Variants in SLC30A4 observed in about 807,000 individuals in gnomAD.
SLC30A4 encodes solute carrier family 30 member 4.
A neutral mutation model predicts 41.7 loss-of-function variants in SLC30A4; 20 were observed. The observed-to-expected ratio is 0.48, with a 90% CI of 0.34 to 0.70. SLC30A4 has a LOEUF of 0.70. Ranked by LOEUF, SLC30A4 falls within the 30% of genes least tolerant of loss-of-function variation. The pLI is 0.01. For missense variants in SLC30A4, 441 were observed against 529.3 expected (o/e 0.83, Z 1.64); for synonymous variants, 181 against 195.9 (o/e 0.92, Z 0.64).
At chr15:45,485,383 A>G in intron 7 of SLC30A4, 66 bp from the exon 8 acceptor site, 8 of 1,083,552 alleles carry the variant, frequency 7.4e-6, no homozygotes, top group Non-Finnish European at 1.1e-5. Context: ...GATACAGGGA[A>G]AAAAACAACT....
rs1891590548 is a variant in SLC30A4 at position 45,480,756 on chromosome 15, T to A, written c.*4407A>T. ...TATATGCATAAAAGGAAAATAGATT[T>A]AGCTAACTGCTTGTTTCAAAATCAA... On this transcript the variant is annotated 3_prime_UTR_variant, in exon 8 of 8. Transcript: ENST00000261867. 1 of 149,732 alleles carries A rather than the reference T, an allele frequency of 6.7e-6. No individual in the cohort carries two copies. 9.3% of individuals were successfully genotyped at this position (149,732 alleles called of 1,614,324 possible).
intron 3 of SLC30A4, among the ~76,000 whole-genome samples, chr15:45,507,839 T>C (rs1374269196): frequency 6.6e-6 from 1 of 152,132 alleles, no homozygotes; most frequent in Non-Finnish European, 1.5e-5. Flanking sequence ...ATTTTTCTAT[T>C]AGTTTAGTTT....
intron 3 of SLC30A4, among the ~76,000 whole-genome samples, chr15:45,499,414 T>C (rs553583434): frequency 6.6e-6 from 1 of 152,242 alleles, no homozygotes; most frequent in African/African-American, 2.4e-5. Flanking sequence ...TCTTGCTTTT[T>C]ATTTCAAATA....
chr15:45,489,252 A>G (rs141847246), intron 4 of SLC30A4, among the ~76,000 whole-genome samples: 1,724 of 152,194 alleles, frequency 0.011, 21 homozygotes, highest in African/African-American at 0.04. Flanking sequence ...TCTAGTAGAG[A>G]AGGCAGAGAA....
Position 45,522,219 on chromosome 15 carries a change from G to A in SLC30A4, c.136C>T (p.Leu46Phe), listed in dbSNP as rs1299223048. 13 of 1,614,114 alleles carry A rather than the reference G, an allele frequency of 8.1e-6. No individual in the cohort carries two copies. Among genetic ancestry groups the A allele is most frequent in the African/African-American group, 1.3e-5 (1 of 74,944 alleles). ...CCGTCATCGGCCACCACAACTCGAAGTTTGTTGAACCGAGAAAGCCCCTCG... is the reference window on the plus strand; with the variant it reads ...CCGTCATCGGCCACCACAACTCGAAATTTGTTGAACCGAGAAAGCCCCTCG... Reference protein sequence around the residue: ...GDEGLSRFNKLRVVVADDGSE... With the variant: ...GDEGLSRFNKFRVVVADDGSE... The change falls in exon 2 of 8, where the codon CTT (leucine) becomes TTT (phenylalanine). Residue 46 changes from leucine (L) to phenylalanine (F), a missense_variant. By Grantham distance (22) the Leu-to-Phe change is conservative. Coordinates refer to ENST00000261867, the MANE Select transcript of SLC30A4 (RefSeq NM_013309.6).
In SLC30A4 at chr15:45,485,409, T is replaced by A. The variant is rs76524931; in HGVS notation, c.1136-92A>T. 1,105 of 815,364 alleles carry A rather than the reference T, an allele frequency of 1.4e-3. 19 individuals carry two copies. The East Asian group carries it at 0.029, about 21-fold the overall frequency. 50.5% of individuals were successfully genotyped at this position (815,364 alleles called of 1,614,324 possible). ...AAAAACAACTGAAATATACTGGGAATATATTTTTATTAGTCTGATTTCTAC... is the reference window on the plus strand; with the variant it reads ...AAAAACAACTGAAATATACTGGGAAAATATTTTTATTAGTCTGATTTCTAC... On this transcript the variant is annotated intron_variant, in intron 7 of 7. Coordinates refer to ENST00000261867, the MANE Select transcript of SLC30A4 (RefSeq NM_013309.6).
rs1891668441 is a variant in SLC30A4, at chr15:45,484,916, C to T, written c.*247G>A. ...TCTTGGATTGTCTTCTATGAGGTAT[C>T]TGTAGAGTCACATCTCATTCTGTAA... On this transcript the variant is annotated 3_prime_UTR_variant, in exon 8 of 8. Transcript: ENST00000261867. 3 of 452,992 alleles carry T rather than the reference C, an allele frequency of 6.6e-6. No homozygotes were observed. Among genetic ancestry groups the T allele is most frequent in the Admixed American group, 4.2e-5 (1 of 23,678 alleles). 28.1% of individuals were successfully genotyped at this position (452,992 alleles called of 1,614,324 possible).
intron 2 of SLC30A4, among the ~76,000 whole-genome samples, chr15:45,517,497 G>A (rs888275793): frequency 4.0e-5 from 6 of 151,412 alleles, no homozygotes; most frequent in Non-Finnish European, 7.4e-5. Flanking sequence ...GGGATTACAG[G>A]CACGTGCCAC....
At chr15:45,504,148 A>G (rs1040159573) in intron 3 of SLC30A4, among the ~76,000 whole-genome samples, 3 of 152,194 alleles carry the variant, frequency 2.0e-5, no homozygotes, top group Non-Finnish European at 2.9e-5. Flanking sequence ...AAAATTCCAG[A>G]TTCAGTTTAA....
rs1419390004 is a variant in SLC30A4, at chr15:45,479,792, T to C, written c.*5371A>G. On this transcript the variant is annotated 3_prime_UTR_variant, in exon 8 of 8. Transcript: ENST00000261867. Reference sequence around the variant, plus strand: ...AATAAACCACATGGCAAAACAATACTTTAATAAGTGTATAGGAAATTACAA... The same window carrying C: ...AATAAACCACATGGCAAAACAATACCTTAATAAGTGTATAGGAAATTACAA... The C allele has an allele frequency of 3.3e-5, 5 of 151,810 alleles. No individual in the cohort carries two copies. The highest frequency in any genetic ancestry group is 4.8e-5 in the African/African-American group (2 of 41,374). The allele number at this position is 151,810 out of a possible 1,614,324, so 9.4% of individuals were successfully genotyped here.
chr15:45,488,296 A>G (rs1265111135), intron 5 of SLC30A4, among the ~76,000 whole-genome samples: 1 of 152,068 alleles, frequency 6.6e-6, no homozygotes, highest in Non-Finnish European at 1.5e-5. Flanking sequence ...TATCTGGGCA[A>G]TCATGGTGGC....
At chr15:45,515,377 G>T (rs376861490) in intron 2 of SLC30A4, among the ~76,000 whole-genome samples, 5 of 151,954 alleles carry the variant, frequency 3.3e-5, no homozygotes, top group Admixed American at 6.6e-5. Flanking sequence ...AATTTCGGCC[G>T]GGCGTGGTGG....
intron 2 of SLC30A4, among the ~76,000 whole-genome samples, chr15:45,513,211 T>C (rs1307645114): frequency 6.6e-6 from 1 of 150,710 alleles, no homozygotes; most frequent in African/African-American, 2.4e-5. Flanking sequence ...CTTTTTTTTT[T>C]TTTTTTTTTA....
chr15:45,485,779 G>A (rs1170950886), intron 7 of SLC30A4, among the ~76,000 whole-genome samples: 2 of 150,966 alleles, frequency 1.3e-5, no homozygotes, highest in African/African-American at 2.4e-5. Context: ...GTACAATGGC[G>A]CCATCTTGGC....
In SLC30A4 at chr15:45,485,057, G is replaced by T. The variant is rs1034204246; in HGVS notation, c.*106C>A. 6.1e-6 allele frequency: 5 copies of T among 815,082 alleles called. No individual in the cohort carries two copies. The highest frequency in any genetic ancestry group is 2.7e-5 in the Admixed American group (1 of 36,992). The allele number at this position is 815,082 out of a possible 1,614,324, so 50.5% of individuals were successfully genotyped here. ...TGTTTGAGAGACTGATGCTTGATAC[G>T]GACACAGCTGTCAGGGATTCCATTT... On this transcript the variant is annotated 3_prime_UTR_variant, in exon 8 of 8. Coordinates refer to ENST00000261867, the MANE Select transcript of SLC30A4 (RefSeq NM_013309.6).
At chr15:45,514,189 T>C (rs1303573277) in intron 2 of SLC30A4, among the ~76,000 whole-genome samples, 2 of 151,824 alleles carry the variant, frequency 1.3e-5, no homozygotes, top group Non-Finnish European at 2.9e-5. Context: ...CTACTAAAAA[T>C]ACAAAATTAG....
intron 3 of SLC30A4, among the ~76,000 whole-genome samples, chr15:45,498,159 T>A (rs1050363023): frequency 6.6e-6 from 1 of 152,148 alleles, no homozygotes; most frequent in African/African-American, 2.4e-5. Context: ...TGAAGACAGG[T>A]TTCAGAGGTC....
Position 45,485,210 on chromosome 15 carries a change from G to C in SLC30A4, c.1243C>G (p.Gln415Glu), listed in dbSNP as rs1432172623. The C allele has an allele frequency of 7.4e-6, 12 of 1,613,418 alleles. No homozygotes were observed. Among genetic ancestry groups the C allele is most frequent in the Non-Finnish European group, 1.0e-5 (12 of 1,179,660 alleles). Residue 415 changes from glutamine to glutamate, a missense_variant, in exon 8 of 8, where the codon CAA (glutamine) becomes GAA (glutamate). Physicochemically the swap from Gln to Glu is conservative, Grantham distance 29. Around this residue, in one of 3 missense-constraint regions of SLC30A4, gnomAD observed 100 missense variants for 121.0 expected, o/e 0.83. Coordinates refer to ENST00000261867, the MANE Select transcript of SLC30A4 (RefSeq NM_013309.6). ...RCTIQLQSYRQEVDRTCANCQ... is the reference protein window; with the variant it reads ...RCTIQLQSYREEVDRTCANCQ... ...TTTGCACAAGTTCTGTCCACTTCTT[G>C]CCTGTAACTCTGAAGCTGAATAGTA...
chr15:45,517,896 C>T (rs1457803313), intron 2 of SLC30A4, among the ~76,000 whole-genome samples: 3 of 152,024 alleles, frequency 2.0e-5, no homozygotes, highest in East Asian at 2.0e-4. Context: ...TGCAGTGAGC[C>T]GAGATCACAC....
Sources: gnomAD v4.1 joint callset for allele counts (sites outside exome capture counted in the v4.1 genomes callset) on GRCh38, gnomAD v4.1.1 for gene constraint, gnomAD v4.1.1 regional missense constraint, MANE v1.5 for transcripts, NCBI Gene and HGNC (gene_info 2026-07-23, HGNC 2026-07-21) for gene names.